Variants in CNGB3 observed in about 807,000 individuals in gnomAD.
The protein encoded by CNGB3 is cyclic nucleotide gated channel subunit beta 3.
Under a neutral mutation model 92.8 loss-of-function variants are expected in CNGB3, and 86 were observed. The observed-to-expected ratio is 0.93, with a 90% CI of 0.78 to 1.11. The LOEUF is 1.11. Ranked by LOEUF, CNGB3 falls within the 50% of genes least tolerant of loss-of-function variation. The pLI, the probability that CNGB3 is intolerant of heterozygous loss-of-function variation, is 0.00. For missense variants in CNGB3, 1,026 were observed against 956.8 expected, an observed-to-expected ratio of 1.07 and a Z score of -0.95; for synonymous variants, 333 against 332.7, an observed-to-expected ratio of 1.00 and a Z score of -0.01.
intron 3 of CNGB3, among the ~76,000 whole-genome samples, chr8:86,694,802 C>A (rs1824414360): frequency 6.6e-6 from 1 of 151,902 alleles, no homozygotes; most frequent in South Asian, 2.1e-4. Flanking sequence ...CAGAGACGCT[C>A]CTCACTTTCC....
chr8:86,669,389 T>G (rs1182014427), intron 4 of CNGB3, among the ~76,000 whole-genome samples: 1 of 152,240 alleles, frequency 6.6e-6, no homozygotes, highest in Non-Finnish European at 1.5e-5. Context: ...TGGAAATATG[T>G]AACAGGTTTA....
At chr8:86,647,970 G>T in intron 7 of CNGB3, 83 bp from the exon 8 acceptor site, 1 of 857,212 alleles carries the variant, frequency 1.2e-6, no homozygotes, top group Non-Finnish European at 2.0e-6. Context: ...GTCTGTAAAA[G>T]TTGACCAATC....
chr8:86,646,252 A>G lies in CNGB3; in HGVS notation c.990+1549T>C, dbSNP rs569687583. On this transcript the variant is annotated intron_variant, in intron 8 of 17. Transcript: ENST00000320005. ...ATTGCTTGGAACATTATTGTGTTCC[A>G]CCTCCATTTATTCTCACATTCCATG... Among the ~76,000 whole-genome samples the G allele has an allele frequency of 6.0e-5, 9 of 151,158 alleles. No homozygotes were observed. In the South Asian group the frequency reaches 1.9e-3, roughly 31 times the overall value.
rs1823234739 is a variant in CNGB3, at chr8:86,643,668, A to G, written c.1178+83T>C. 1.3e-5 allele frequency: 19 copies of G among 1,482,838 alleles called. No homozygotes were observed. The Middle Eastern group carries it at 8.8e-4, about 69-fold the overall frequency. 91.9% of individuals were successfully genotyped at this position (1,482,838 alleles called of 1,614,324 possible). On this transcript the variant is annotated intron_variant, in intron 10 of 17. Transcript: ENST00000320005. ...ATTGAATGGGTTATGACAGCTTCAA[A>G]AACACTGGCTCTCATAAATTCATAC...
intron 2 of CNGB3, among the ~76,000 whole-genome samples, chr8:86,736,838 G>C (rs901009977): frequency 6.6e-6 from 1 of 151,804 alleles, no homozygotes; most frequent in South Asian, 2.1e-4. Flanking sequence ...ATGTGAGTTT[G>C]GATCAGATAG....
At chr8:86,699,948 T>C (rs1208257984) in intron 3 of CNGB3, among the ~76,000 whole-genome samples, 2 of 152,086 alleles carry the variant, frequency 1.3e-5, no homozygotes, top group African/African-American at 4.8e-5. Flanking sequence ...TCATCCAATC[T>C]CTCTTTCTTT....
At chr8:86,629,784 T>G (rs1233499012) in intron 11 of CNGB3, among the ~76,000 whole-genome samples, 1 of 152,180 alleles carries the variant, frequency 6.6e-6, no homozygotes, top group Non-Finnish European at 1.5e-5. Context: ...TGGATGTTTA[T>G]AACTCACCCA....
At chr8:86,677,403 C>A (rs1327455439) in intron 3 of CNGB3, among the ~76,000 whole-genome samples, 1 of 152,174 alleles carries the variant, frequency 6.6e-6, no homozygotes, top group Admixed American at 6.6e-5. Flanking sequence ...GAATCAAGGT[C>A]TCTTTCAATA....
At chr8:86,661,398 G>T in intron 6 of CNGB3, 1 of 443,804 alleles carries the variant, frequency 2.3e-6, no homozygotes, top group Non-Finnish European at 4.4e-6. Flanking sequence ...TCTCTATCAG[G>T]AAGAGGACAA....
intron 15 of CNGB3, chr8:86,594,326 G>T: frequency 3.1e-6 from 1 of 321,766 alleles, no homozygotes; most frequent in South Asian, 2.8e-5. Flanking sequence ...ACCTGAGTCT[G>T]ATTCGTCCAC....
intron 14 of CNGB3, 123 bp downstream of exon 14, chr8:86,611,465 T>A (rs2131565541): frequency 1.3e-6 from 1 of 749,606 alleles, no homozygotes; most frequent in Non-Finnish European, 2.4e-6. Flanking sequence ...CTATATATCA[T>A]AATTATTTCT....
At chr8:86,674,573 A>T (rs1387138050) in intron 3 of CNGB3, among the ~76,000 whole-genome samples, 2 of 152,222 alleles carry the variant, frequency 1.3e-5, no homozygotes, top group Non-Finnish European at 2.9e-5. Flanking sequence ...AACATACATC[A>T]TGAGATAAAA....
At chr8:86,608,615 A>G (rs745435732) in intron 14 of CNGB3, among the ~76,000 whole-genome samples, 3 of 152,198 alleles carry the variant, frequency 2.0e-5, no homozygotes, top group African/African-American at 4.8e-5. Flanking sequence ...GTCTGCCTTC[A>G]TGTTCCATCC....
At chr8:86,696,498 A>T (rs534642720) in intron 3 of CNGB3, among the ~76,000 whole-genome samples, 12 of 152,202 alleles carry the variant, frequency 7.9e-5, no homozygotes, top group African/African-American at 2.9e-4. Context: ...GAATTCTTCC[A>T]GTTTTTCCAG....
chr8:86,617,258 T>C (rs996953866), intron 13 of CNGB3, among the ~76,000 whole-genome samples: 9 of 152,228 alleles, frequency 5.9e-5, no homozygotes, highest in Non-Finnish European at 1.0e-4. Flanking sequence ...CTCTTAGTCC[T>C]ATAGAATTTC....
chr8:86,695,549 A>AT (rs1391154051), intron 3 of CNGB3, among the ~76,000 whole-genome samples: 1 of 151,416 alleles, frequency 6.6e-6, no homozygotes, highest in Non-Finnish European at 1.5e-5. Context: ...TTTCTATGGA[A>AT]TTTTTCATTC....
chr8:86,685,968 T>C (rs973429860), intron 3 of CNGB3, among the ~76,000 whole-genome samples: 1 of 92,492 alleles, frequency 1.1e-5, no homozygotes, highest in Non-Finnish European at 2.0e-5. Context: ...TTAGTTTGCA[T>C]ATATGTAAAG....
chr8:86,675,093 G>C (rs1252185270), intron 3 of CNGB3, among the ~76,000 whole-genome samples: 3 of 151,928 alleles, frequency 2.0e-5, no homozygotes, highest in African/African-American at 7.3e-5. Context: ...CGAGTAGCTG[G>C]GGTTACAAGT....
chr8:86,643,726 G>C, intron 10 of CNGB3, 25 bp downstream of exon 10: 1 of 1,600,322 alleles, frequency 6.2e-7, no homozygotes, highest in Non-Finnish European at 8.5e-7. Flanking sequence ...AATCAATAAA[G>C]GTTTCTTTCA....
Sources: gnomAD v4.1 joint callset for allele counts (sites outside exome capture counted in the v4.1 genomes callset) on GRCh38, gnomAD v4.1.1 for gene constraint, MANE v1.5 for transcripts, NCBI Gene and HGNC (gene_info 2026-07-23, HGNC 2026-07-21) for gene names.